The following MUS81 variants were observed in gnomAD, a reference collection of about 807,000 sequenced individuals.
MUS81 encodes the protein MUS81 structure-specific endonuclease subunit.
Under a neutral mutation model 74.2 loss-of-function variants are expected in MUS81, and 69 were observed. The observed-to-expected ratio is 0.93, with a 90% CI of 0.77 to 1.14. The LOEUF is 1.14. Among genes scored for constraint, MUS81 ranks in the 50% most tolerant of loss-of-function variants. MUS81 has a pLI of 0.00. For missense variants in MUS81, 711 were observed against 726.5 expected, an observed-to-expected ratio of 0.98 and a Z score of 0.25; for synonymous variants, 303 against 300.6, an observed-to-expected ratio of 1.01 and a Z score of -0.08.
In MUS81 at chr11:65,864,795, G is replaced by A; in HGVS notation, c.1252G>A (p.Gly418Ser). 2 of 1,613,254 alleles carry A rather than the reference G, an allele frequency of 1.2e-6. No homozygotes were observed. Among genetic ancestry groups the A allele is most frequent in the Non-Finnish European group, 1.7e-6 (2 of 1,179,972 alleles). The change falls in exon 12 of 16, where the codon GGC (glycine) becomes AGC (serine). Residue 418 changes from glycine to serine, a missense_variant. By Grantham distance (56) the Gly-to-Ser change is moderately conservative. Coordinates refer to ENST00000308110, the MANE Select transcript of MUS81 (RefSeq NM_025128.5). ...CGCCTACCTGGCCCTCTTGACGCGG[G>A]GCCTGCAGAGACTCTACCAGGTGAG... Reference protein sequence around the residue: ...SAAYLALLTRGLQRLYQGHTL... With the variant: ...SAAYLALLTRSLQRLYQGHTL...
rs148465534 is a variant in MUS81 at position 65,862,011 on chromosome 11, G to C, written c.416G>C (p.Arg139Pro). The C allele has an allele frequency of 1.7e-5, 28 of 1,610,446 alleles. No individual in the cohort carries two copies. The highest frequency in any genetic ancestry group is 1.3e-4 in the South Asian group (12 of 90,588). Residue 139 changes from arginine (R) to proline (P), a missense_variant, in exon 4 of 16, where the codon CGA (arginine) becomes CCA (proline). Physicochemically the swap from Arg to Pro is moderately radical, Grantham distance 103. Coordinates refer to ENST00000308110, the MANE Select transcript of MUS81 (RefSeq NM_025128.5). The part of the protein sequence containing the change: ...SYWPARHSGA[R>P]VILLVLYREH... ...TGGCCAGCTCGGCACTCAGGAGCCCGAGTGATACTGCTGGTGCTCTACCGG... is the reference window on the plus strand; with the variant it reads ...TGGCCAGCTCGGCACTCAGGAGCCCCAGTGATACTGCTGGTGCTCTACCGG...
chr11:65,866,685 C>CA (rs745886179), downstream of MUS81: 1 of 707,230 alleles, frequency 1.4e-6, no homozygotes, highest in South Asian at 1.5e-5. Flanking sequence ...GCAGAGCTCC[C>CA]AGCTCCTGTC....
chr11:65,860,514 G>T lies in MUS81; in HGVS notation c.-240G>T. On this transcript the variant is annotated 5_prime_UTR_variant, in exon 1 of 16. Coordinates refer to ENST00000308110, the MANE Select transcript of MUS81 (RefSeq NM_025128.5). ...TGGCTGGAGTGGAGCCAAGGGAAAAGATCGTTAGAGACAGCGCCCCTGACC... is the reference window on the plus strand; with the variant it reads ...TGGCTGGAGTGGAGCCAAGGGAAAATATCGTTAGAGACAGCGCCCCTGACC... 1 of 595,882 alleles carries T rather than the reference G, an allele frequency of 1.7e-6. No homozygotes were observed. The highest frequency in any genetic ancestry group is 3.0e-6 in the Non-Finnish European group (1 of 334,052). 36.9% of individuals were successfully genotyped at this position (595,882 alleles called of 1,614,324 possible). A position where few individuals can be genotyped will look rare whatever the true frequency, so the allele number is the denominator to read the frequency against.
chr11:65,860,559 G>A lies in MUS81; in HGVS notation c.-195G>A, dbSNP rs913900526. On this transcript the variant is annotated 5_prime_UTR_variant, in exon 1 of 16. Coordinates refer to ENST00000308110, the MANE Select transcript of MUS81 (RefSeq NM_025128.5). The stretch of plus-strand genomic sequence containing the variant: ...CTGACCAACCACTTAGAGCAGCGCA[G>A]GGGTGGGAGGGCGGCCGCAGGCTCT... 36 of 681,662 alleles carry A rather than the reference G, an allele frequency of 5.3e-5. No individual in the cohort carries two copies. In the South Asian group the frequency reaches 5.8e-4, roughly 11 times the overall value. The allele number at this position is 681,662 out of a possible 1,614,324, so 42.2% of individuals were successfully genotyped here.
In MUS81 at chr11:65,865,273, G is replaced by C. The variant is rs1859784273; in HGVS notation, c.1455G>C (p.Val485=). Residue 485 remains valine, a synonymous_variant, in exon 14 of 16, where the codon GTG becomes GTC. Transcript: ENST00000308110. ...FARQLMQVRG[V]SGEKAAALVD... ...GGCAGCTGATGCAGGTGCGCGGAGT[G>C]AGTGGGGAGAAGGCAGCAGCCCTGG... 1.2e-6 allele frequency: 2 copies of C among 1,614,034 alleles called. No individual in the cohort carries two copies. Among genetic ancestry groups the C allele is most frequent in the Non-Finnish European group, 1.7e-6 (2 of 1,180,026 alleles).
chr11:65,864,651 G>C (rs753687125), intron 11 of MUS81, 38 bp downstream of exon 11: 2 of 1,612,050 alleles, frequency 1.2e-6, no homozygotes, highest in Admixed American at 3.3e-5. Flanking sequence ...GCAGGCAGGG[G>C]CCCCTGTGGT....
chr11:65,866,037 C>T lies in MUS81; in HGVS notation c.1641C>T (p.Tyr547=), dbSNP rs377336913. The T allele has an allele frequency of 1.7e-5, 27 of 1,614,018 alleles. 2 individuals are homozygous for T. The highest frequency in any genetic ancestry group is 1.2e-4 in the South Asian group (11 of 91,084). The change falls in exon 16 of 16, where the codon TAC becomes TAT. Residue 547 remains tyrosine, a synonymous_variant. Coordinates refer to ENST00000308110, the MANE Select transcript of MUS81 (RefSeq NM_025128.5). ...SRTLSQLYCS[Y]GPLT ...CCTTATCCCAGCTCTACTGCAGCTA[C>T]GGCCCCTTGACCTGAGCTTATGCCG...
chr11:65,865,755 T>G, intron 14 of MUS81, 56 bp from the exon 15 acceptor site: 1 of 1,551,164 alleles, frequency 6.4e-7, no homozygotes, highest in East Asian at 2.2e-5. Flanking sequence ...CCCCTCATGG[T>G]GCTGGCCCAG....
In MUS81 at chr11:65,862,257, G is replaced by C. The variant is rs746626563; in HGVS notation, c.497G>C (p.Arg166Thr). The C allele has an allele frequency of 6.2e-7, 1 of 1,613,822 alleles. No homozygotes were observed. The highest frequency in any genetic ancestry group is 8.5e-7 in the Non-Finnish European group (1 of 1,180,022). ...HFLTKEELLQRCAQKSPRVAP... is the reference protein window; with the variant it reads ...HFLTKEELLQTCAQKSPRVAP... ...TTAACCAAGGAGGAGCTGCTGCAGA[G>C]GTGTGCTCAGAAGTCCCCCAGGGTG... The change falls in exon 5 of 16, where the codon AGG becomes ACG. Residue 166 changes from arginine (R) to threonine (T), a missense_variant. Physicochemically the swap from Arg to Thr is moderately conservative, Grantham distance 71. Coordinates refer to ENST00000308110, the MANE Select transcript of MUS81 (RefSeq NM_025128.5).
In MUS81 at chr11:65,861,429, C is replaced by T; in HGVS notation, c.345C>T (p.Ser115=). The T allele has an allele frequency of 4.4e-6, 7 of 1,599,634 alleles. No homozygotes were observed. The highest frequency in any genetic ancestry group is 6.0e-6 in the Non-Finnish European group (7 of 1,171,960). The change falls in exon 3 of 16, where the codon TCC becomes TCT. Residue 115 remains serine, a synonymous_variant. Coordinates refer to ENST00000308110, the MANE Select transcript of MUS81 (RefSeq NM_025128.5). ...GACTTGCGGAAGTCCAGGACTCTTC[C>T]ATGCCAGTGAGGAAGGGGCAAGGGG... is the stretch of plus-strand genomic sequence containing the variant. ...QGRLAEVQDS[S]MPVPAQPKAG...
At chr11:65,865,395 T>G in intron 14 of MUS81, 72 bp downstream of exon 14, 1 of 1,444,224 alleles carries the variant, frequency 6.9e-7, no homozygotes, top group Non-Finnish European at 9.4e-7. Flanking sequence ...TAATCCATGC[T>G]TCGTGGAGGG....
chr11:65,862,481 GCT>G lies in MUS81; in HGVS notation c.559_560del (p.Ser187ProfsTer65), dbSNP rs771039441. ...AGTGCTCGACCCTGGCCAGCCCTCC[GCT>G]CCCTCCTTCACAGGAACCTGGTCCT... On this transcript the variant is annotated frameshift_variant, in exon 6 of 16. Transcript: ENST00000308110. LOFTEE classifies it high-confidence loss of function. 5 of 1,613,782 alleles carry G rather than the reference GCT, an allele frequency of 3.1e-6. No individual in the cohort carries two copies. The Admixed American group carries it at 8.3e-5, about 27-fold the overall frequency.
downstream of MUS81, chr11:65,867,101 G>A (rs774130978): frequency 6.6e-5 from 107 of 1,613,320 alleles, no homozygotes; most frequent in Non-Finnish European, 8.6e-5. Flanking sequence ...TGGGTGGGGG[G>A]ACATATATAT....
At position 65,863,457 on chromosome 11, in the gene MUS81, G is replaced by C. The variant is rs777878677; in HGVS notation, c.794G>C (p.Gly265Ala). Residue 265 changes from glycine (G) to alanine (A), a missense_variant, in exon 8 of 16, where the codon GGA becomes GCA. Gly to Ala is a moderately conservative substitution (Grantham distance 60, BLOSUM62 0). Coordinates refer to ENST00000308110, the MANE Select transcript of MUS81 (RefSeq NM_025128.5). ...VQQQPLELRP[G>A]EYRVLLCVDI... Reference sequence around the variant, plus strand: ...CAGCAGCCACTGGAGCTGAGGCCTGGAGAGTACAGGGTGCTGTTGTGTGTG... The same window carrying C: ...CAGCAGCCACTGGAGCTGAGGCCTGCAGAGTACAGGGTGCTGTTGTGTGTG... The C allele has an allele frequency of 6.2e-7, 1 of 1,614,162 alleles. No individual in the cohort carries two copies. Among genetic ancestry groups the C allele is most frequent in the South Asian group, 1.1e-5 (1 of 91,080 alleles).
chr11:65,864,879 C>T, intron 12 of MUS81, 64 bp downstream of exon 12: 2 of 1,577,888 alleles, frequency 1.3e-6, no homozygotes, highest in Non-Finnish European at 1.7e-6. Flanking sequence ...TTGCCTGGGC[C>T]CTGTGCATCC....
rs535996645 is a variant in MUS81 at position 65,862,382 on chromosome 11, C to T, written c.520-62C>T. Reference sequence around the variant, plus strand: ...CATGTGTGGCCCATGGCTGGGGACACAGGGAACATGGACTTGTGGTGGTAC... The same window carrying T: ...CATGTGTGGCCCATGGCTGGGGACATAGGGAACATGGACTTGTGGTGGTAC... On this transcript the variant is annotated intron_variant, in intron 5 of 15. Coordinates refer to ENST00000308110, the MANE Select transcript of MUS81 (RefSeq NM_025128.5). The T allele has an allele frequency of 1.5e-5, 24 of 1,590,332 alleles. No individual in the cohort carries two copies. The East Asian group carries it at 5.1e-4, about 34-fold the overall frequency.
chr11:65,860,024 C>T, upstream of MUS81: 1 of 266,646 alleles, frequency 3.8e-6, no homozygotes, highest in South Asian at 3.3e-5. Context: ...CCCCGACATT[C>T]CGAGTTCTAT....
Position 65,865,820 on chromosome 11 carries a change from C to A in MUS81, c.1515C>A (p.Ala505=), listed in dbSNP as rs144945350. 7.0e-5 allele frequency: 113 copies of A among 1,613,938 alleles called. No homozygotes were observed. The African/African-American group carries it at 1.1e-3, about 16-fold the overall frequency. The change falls in exon 15 of 16, where the codon GCC becomes GCA. Residue 505 remains alanine, a synonymous_variant. Transcript: ENST00000308110. ...AACCCCTGCCCCCCAGCCTCCTGGC[C>A]GCCTATGATGCCTGTGCCACCCCCA... ...DRYSTPASLL[A]AYDACATPKE...
At chr11:65,864,098 T>C in intron 10 of MUS81, 197 bp downstream of exon 10, 1 of 620,344 alleles carries the variant, frequency 1.6e-6, no homozygotes, top group Non-Finnish European at 2.8e-6. Context: ...GGTACCTGCA[T>C]TCTTGGGCTG....
Sources: allele counts gnomAD v4.1 joint callset, GRCh38; gene constraint gnomAD v4.1.1; transcripts MANE v1.5; gene names NCBI Gene and HGNC (gene_info 2026-07-23, HGNC 2026-07-21).